The following TRDN variants were observed in gnomAD, a reference collection of about 807,000 sequenced individuals.
The protein encoded by TRDN is triadin.
Under a neutral mutation model 149.7 loss-of-function variants are expected in TRDN, and 161 were observed. That is an observed-to-expected ratio of 1.08 (90% CI 0.95 to 1.23). The LOEUF (loss-of-function observed/expected upper bound fraction) is 1.23. TRDN is among the 50% of genes most tolerant of loss of function. The probability of loss-of-function intolerance (pLI) is 0.00; values close to 1 mark genes in which losing one functional copy is unlikely to be tolerated. For synonymous variants in TRDN, 294 were observed against 250.5 expected (o/e 1.17, Z -1.64); for missense variants, 896 against 823.5 (o/e 1.09, Z -1.08).
chr6:123,347,890 G>T (rs921058146), intron 21 of TRDN, among the ~76,000 whole-genome samples: 1 of 152,074 alleles, frequency 6.6e-6, no homozygotes, highest in African/African-American at 2.4e-5. Flanking sequence ...TTTGGAGATA[G>T]CTCTGTGCTC....
At position 123,605,022 on chromosome 6, in the gene TRDN, T is replaced by C. The variant is rs143625493; in HGVS notation, c.22+31732A>G. Reference sequence around the variant, plus strand: ...CACGTAAACACTCACACATATCTCATTGTGTGCACAAGCAGATGTGATTTG... The same window carrying C: ...CACGTAAACACTCACACATATCTCACTGTGTGCACAAGCAGATGTGATTTG... On this transcript the variant is annotated intron_variant, in intron 1 of 40. Coordinates refer to ENST00000334268, the MANE Select transcript of TRDN (RefSeq NM_006073.4). Among the ~76,000 whole-genome samples, 147 of 152,014 alleles carry C rather than the reference T, an allele frequency of 9.7e-4. 2 individuals carry two copies. Among genetic ancestry groups the C allele is most frequent in the African/African-American group, 3.4e-3 (142 of 41,516 alleles).
intron 12 of TRDN, among the ~76,000 whole-genome samples, chr6:123,414,114 A>T (rs1436433094): frequency 2.6e-5 from 4 of 152,128 alleles, no homozygotes; most frequent in Admixed American, 2.6e-4. Flanking sequence ...ATGAAGAATT[A>T]AGGTTAATTT....
chr6:123,351,178 T>C (rs773867545), intron 21 of TRDN: 8 of 983,932 alleles, frequency 8.1e-6, no homozygotes, highest in Non-Finnish European at 9.7e-6. Flanking sequence ...AATTTGATAA[T>C]TTATGTCATC....
In TRDN at chr6:123,570,932, T is replaced by A; in HGVS notation, c.223A>T (p.Asn75Tyr). The change falls in exon 2 of 41, where the codon AAC (asparagine) becomes TAC (tyrosine). Residue 75 changes from asparagine to tyrosine, a missense_variant. Asn to Tyr is a moderately radical substitution (Grantham distance 143). Coordinates refer to ENST00000334268, the MANE Select transcript of TRDN (RefSeq NM_006073.4). ...IVMFDLVDYK[N>Y]FSASSIAKIG... ...ATTTTATGGAACTTACCTGAAAAGT[T>A]TTTGTAATCCACTAAATCAAACATA... 2 of 1,613,568 alleles carry A rather than the reference T, an allele frequency of 1.2e-6. No individual in the cohort carries two copies. Among genetic ancestry groups the A allele is most frequent in the Non-Finnish European group, 1.7e-6 (2 of 1,179,580 alleles).
intron 1 of TRDN, among the ~76,000 whole-genome samples, chr6:123,582,528 G>A (rs896139937): frequency 3.0e-5 from 4 of 132,142 alleles, no homozygotes; most frequent in African/African-American, 8.3e-5. Flanking sequence ...GGAGTGGGGG[G>A]CACAGGTACT....
chr6:123,433,660 A>C (rs553702059), intron 12 of TRDN, among the ~76,000 whole-genome samples: 2 of 152,274 alleles, frequency 1.3e-5, no homozygotes, highest in South Asian at 2.1e-4. Context: ...TCCTATTGGA[A>C]AGTGTGATAA....
chr6:123,232,885 C>T (rs1349292065), intron 38 of TRDN, among the ~76,000 whole-genome samples: 1 of 151,926 alleles, frequency 6.6e-6, no homozygotes, highest in East Asian at 1.9e-4. Flanking sequence ...TAAATCAAAG[C>T]CCCCTAAATA....
At chr6:123,630,122 A>G (rs1176370356) in intron 1 of TRDN, among the ~76,000 whole-genome samples, 1 of 151,172 alleles carries the variant, frequency 6.6e-6, no homozygotes, top group East Asian at 1.9e-4. Context: ...TTATTGTATG[A>G]TGTTAATGCA....
intron 24 of TRDN, among the ~76,000 whole-genome samples, chr6:123,288,117 G>T (rs1582825123): frequency 6.6e-6 from 1 of 152,030 alleles, no homozygotes; most frequent in South Asian, 2.1e-4. Context: ...GAAAAATCAA[G>T]TGTTCCAAAA....
intron 24 of TRDN, among the ~76,000 whole-genome samples, chr6:123,301,770 C>T (rs9401650): frequency 0.23 from 12,488 of 55,472 alleles, 1,725 homozygotes; most frequent in East Asian, 0.49. Flanking sequence ...TATATATATA[C>T]ATATATATAT....
intron 12 of TRDN, among the ~76,000 whole-genome samples, chr6:123,427,073 T>C (rs1001916326): frequency 1.1e-4 from 17 of 152,108 alleles, no homozygotes; most frequent in African/African-American, 2.7e-4. Context: ...CTGAGGACAA[T>C]TAATCATTAT....
chr6:123,521,675 G>A (rs767388523), intron 5 of TRDN, among the ~76,000 whole-genome samples: 1 of 152,054 alleles, frequency 6.6e-6, no homozygotes, highest in Non-Finnish European at 1.5e-5. Flanking sequence ...CTTGAACCAA[G>A]TTCCCACCTG....
At chr6:123,607,843 C>A (rs1784590078) in intron 1 of TRDN, among the ~76,000 whole-genome samples, 1 of 147,554 alleles carries the variant, frequency 6.8e-6, no homozygotes, top group Admixed American at 6.7e-5. Context: ...TATGCTTTCT[C>A]TTTTAGTCTT....
chr6:123,448,687 T>A lies in TRDN; in HGVS notation c.932-9684A>T, dbSNP rs546198243. On this transcript the variant is annotated intron_variant, in intron 10 of 40. Coordinates refer to ENST00000334268, the MANE Select transcript of TRDN (RefSeq NM_006073.4). ...GAAGACAAAAGGCCACGCCCACTAC[T>A]GGTCCCTCTCCATACTACTGCAGCT... Among the ~76,000 whole-genome samples, 3 of 152,122 alleles carry A rather than the reference T, an allele frequency of 2.0e-5. No homozygotes were observed. In the South Asian group the frequency reaches 6.2e-4, roughly 32 times the overall value.
At chr6:123,539,801 A>G (rs988395641) in intron 4 of TRDN, among the ~76,000 whole-genome samples, 1 of 152,216 alleles carries the variant, frequency 6.6e-6, no homozygotes, top group African/African-American at 2.4e-5. Flanking sequence ...TTATTCATTT[A>G]TCTTTGACTG....
chr6:123,350,646 C>A (rs1780427970), intron 21 of TRDN: 1 of 753,634 alleles, frequency 1.3e-6, no homozygotes, highest in South Asian at 6.1e-5. Flanking sequence ...TTTTTTGTAT[C>A]AGTTATTAGT....
intron 12 of TRDN, among the ~76,000 whole-genome samples, chr6:123,426,936 T>G (rs1774145547): frequency 6.6e-6 from 1 of 152,120 alleles, no homozygotes; most frequent in Non-Finnish European, 1.5e-5. Context: ...ACAATTCTTA[T>G]TTTATGGTCT....
intron 10 of TRDN, among the ~76,000 whole-genome samples, chr6:123,461,349 T>G (rs918673319): frequency 6.6e-6 from 1 of 152,196 alleles, no homozygotes; most frequent in African/African-American, 2.4e-5. Flanking sequence ...TAAGTACTAG[T>G]TATATATTTA....
At chr6:123,495,345 C>T (rs1353908649) in intron 9 of TRDN, among the ~76,000 whole-genome samples, 2 of 151,574 alleles carry the variant, frequency 1.3e-5, no homozygotes, top group African/African-American at 4.8e-5. Context: ...ATGGTGAAAC[C>T]CCGTCTCTAC....
Sources: allele counts gnomAD v4.1 joint callset (sites outside exome capture counted in the v4.1 genomes callset), GRCh38; gene constraint gnomAD v4.1.1; transcripts MANE v1.5; gene names NCBI Gene and HGNC (gene_info 2026-07-23, HGNC 2026-07-21).